Variants in KCNQ5 observed in about 807,000 individuals in gnomAD.
KCNQ5 encodes potassium voltage-gated channel subfamily Q member 5.
Under a neutral mutation model 98.2 loss-of-function variants are expected in KCNQ5, and 30 were observed. The ratio of observed to expected loss-of-function variants is 0.31; its 90% confidence interval spans 0.23 to 0.41. The LOEUF (loss-of-function observed/expected upper bound fraction) is 0.41, where lower values mean the gene tolerates loss of function less well. KCNQ5 is among the 10% of genes least tolerant of loss of function. KCNQ5 has a pLI of 1.00. For synonymous variants in KCNQ5, 458 were observed against 449.4 expected, an observed-to-expected ratio of 1.02 and a Z score of -0.24; for missense variants, 835 against 1,182.5, an observed-to-expected ratio of 0.71 and a Z score of 4.31.
intron 1 of KCNQ5, among the ~76,000 whole-genome samples, chr6:72,704,807 T>A (rs1768991676): frequency 6.6e-6 from 1 of 152,194 alleles, no homozygotes; most frequent in Admixed American, 6.5e-5. Context: ...CCTACCCCAC[T>A]AAGTTTATTA....
chr6:72,843,205 A>G (rs1776875045), intron 1 of KCNQ5, among the ~76,000 whole-genome samples: 1 of 152,238 alleles, frequency 6.6e-6, no homozygotes, highest in Non-Finnish European at 1.5e-5. Context: ...GCATATGGCT[A>G]GCCAGTCTTC....
At chr6:73,110,845 G>T (rs1404896431) in intron 6 of KCNQ5, among the ~76,000 whole-genome samples, 2 of 152,130 alleles carry the variant, frequency 1.3e-5, no homozygotes, top group East Asian at 3.9e-4. Flanking sequence ...GTATTCCCAT[G>T]TTCACAGCAG....
intron 1 of KCNQ5, among the ~76,000 whole-genome samples, chr6:72,810,566 T>C (rs1223175413): frequency 6.6e-6 from 1 of 152,236 alleles, no homozygotes; most frequent in African/African-American, 2.4e-5. Flanking sequence ...GGAAACTTTC[T>C]ATTTCTTCTG....
chr6:72,924,696 T>C (rs1456792507), intron 1 of KCNQ5, among the ~76,000 whole-genome samples: 2 of 152,160 alleles, frequency 1.3e-5, no homozygotes, highest in African/African-American at 4.8e-5. Flanking sequence ...CACACACACC[T>C]TCAACACTTC....
At position 73,090,809 on chromosome 6, in the gene KCNQ5, G is replaced by A. The variant is rs112899041; in HGVS notation, c.918+12922G>A. Among the ~76,000 whole-genome samples, 1,217 of 152,252 alleles carry A rather than the reference G, an allele frequency of 8.0e-3. 23 individuals are homozygous for A. Among genetic ancestry groups the A allele is most frequent in the African/African-American group, 0.029 (1,185 of 41,548 alleles). ...GCCAGTTAGAATGGCGATCATTAAA[G>A]AGTCAGGAAACAACAGATGCTGGAG... is the stretch of plus-strand genomic sequence containing the variant. On this transcript the variant is annotated intron_variant, in intron 5 of 13. Coordinates refer to ENST00000370398, the MANE Select transcript of KCNQ5 (RefSeq NM_019842.4).
chr6:73,092,089 TG>T (rs1487913120), intron 5 of KCNQ5, among the ~76,000 whole-genome samples: 3 of 150,614 alleles, frequency 2.0e-5, no homozygotes, highest in Non-Finnish European at 4.4e-5. Flanking sequence ...ATTTTTTTTT[TG>T]TTTGTTTGTT....
intron 1 of KCNQ5, among the ~76,000 whole-genome samples, chr6:72,870,298 A>C (rs1046677383): frequency 2.0e-5 from 3 of 152,110 alleles, no homozygotes; most frequent in Admixed American, 1.3e-4. Flanking sequence ...TTTTGGAGAC[A>C]AGCTCTCTCT....
intron 10 of KCNQ5, among the ~76,000 whole-genome samples, chr6:73,145,579 G>A (rs866657005): frequency 6.6e-6 from 1 of 152,108 alleles, no homozygotes; most frequent in African/African-American, 2.4e-5. Context: ...GTCAATTAAG[G>A]TATGCAACAG....
At chr6:72,913,853 G>T (rs151189759) in intron 1 of KCNQ5, among the ~76,000 whole-genome samples, 451 of 152,326 alleles carry the variant, frequency 3.0e-3, no homozygotes, top group African/African-American at 9.9e-3. Flanking sequence ...TTATGCTTAG[G>T]TTTGATAAAG....
At chr6:72,725,076 G>A (rs1048003336) in intron 1 of KCNQ5, among the ~76,000 whole-genome samples, 3 of 151,986 alleles carry the variant, frequency 2.0e-5, no homozygotes, top group African/African-American at 7.3e-5. Context: ...ACTAAAGCGA[G>A]GATGTATTTA....
intron 1 of KCNQ5, among the ~76,000 whole-genome samples, chr6:72,744,668 G>C (rs763785265): frequency 2.0e-5 from 3 of 152,042 alleles, no homozygotes; most frequent in African/African-American, 7.2e-5. Context: ...AAAATTAACT[G>C]GGTGTGGTGG....
intron 6 of KCNQ5, among the ~76,000 whole-genome samples, chr6:73,109,935 A>G (rs73753258): frequency 0.017 from 2,599 of 152,276 alleles, 75 homozygotes; most frequent in African/African-American, 0.058. Context: ...ATTGTCACTG[A>G]TGTACTCAGA....
intron 1 of KCNQ5, among the ~76,000 whole-genome samples, chr6:72,914,701 A>G (rs1582008027): frequency 6.6e-6 from 1 of 150,532 alleles, no homozygotes; most frequent in East Asian, 1.9e-4. Context: ...AGAGCTAAAG[A>G]GTAGATCTTG....
At chr6:72,960,619 TG>T (rs1313191481) in intron 1 of KCNQ5, among the ~76,000 whole-genome samples, 5 of 152,002 alleles carry the variant, frequency 3.3e-5, no homozygotes, top group Admixed American at 6.6e-5. Flanking sequence ...GTAGAGACGG[TG>T]TTTCACTATG....
intron 9 of KCNQ5, among the ~76,000 whole-genome samples, chr6:73,127,165 C>A (rs1776023476): frequency 6.6e-6 from 1 of 152,104 alleles, no homozygotes; most frequent in African/African-American, 2.4e-5. Flanking sequence ...CAAAATATCA[C>A]AAAGTAAAAT....
chr6:72,706,477 G>T (rs1212744186), intron 1 of KCNQ5, among the ~76,000 whole-genome samples: 1 of 151,894 alleles, frequency 6.6e-6, no homozygotes, highest in Non-Finnish European at 1.5e-5. Flanking sequence ...TGAATAATCT[G>T]AGTCCATATG....
intron 1 of KCNQ5, among the ~76,000 whole-genome samples, chr6:72,907,949 A>G (rs542011300): frequency 2.0e-5 from 3 of 152,144 alleles, no homozygotes; most frequent in South Asian, 2.1e-4. Flanking sequence ...TCTAACCACT[A>G]TCATGCTGTG....
intron 1 of KCNQ5, among the ~76,000 whole-genome samples, chr6:72,736,502 C>CTTTTTTTTT (rs752921476): frequency 0.22 from 26,518 of 118,522 alleles, 4,703 homozygotes; most frequent in African/African-American, 0.39. Context: ...AAAAAGATTT[C>CTTTTTTTTT]TTTTTTTTTT....
intron 1 of KCNQ5, among the ~76,000 whole-genome samples, chr6:72,743,125 G>C (rs1771213652): frequency 6.6e-6 from 1 of 151,980 alleles, no homozygotes; most frequent in Admixed American, 6.6e-5. Flanking sequence ...GGTGTATTTT[G>C]AGCTAAAATG....
Sources: allele counts gnomAD v4.1 joint callset (sites outside exome capture counted in the v4.1 genomes callset), GRCh38; gene constraint gnomAD v4.1.1; transcripts MANE v1.5; gene names NCBI Gene and HGNC (gene_info 2026-07-23, HGNC 2026-07-21).